DMD: variants seen among roughly 807,000 people sequenced by gnomAD.
DMD encodes mutant dystrophin.
DMD carries 63 observed loss-of-function variants against 330.1 expected under a neutral mutation model. The ratio of observed to expected loss-of-function variants is 0.19; its 90% CI spans 0.16 to 0.24. The LOEUF is 0.24. Ranked by LOEUF, DMD falls within the 10% of genes least tolerant of loss-of-function variation. The probability of loss-of-function intolerance (pLI) is 1.00; values close to 1 mark genes in which losing one functional copy is unlikely to be tolerated. For missense variants in DMD, 3,344 were observed against 2,684.1 expected (o/e 1.25, Z -5.43); for synonymous variants, 1,223 against 959.8 (o/e 1.27, Z -5.07).
At chrX:31,991,529 T>A (rs2095550489) in intron 44 of DMD, among the ~76,000 whole-genome samples, 1 of 110,489 alleles carries the variant, frequency 9.1e-6, no homozygotes, top group African/African-American at 3.3e-5. Flanking sequence ...TGCAAAGTCA[T>A]ATGGAAACTG....
chrX:32,020,611 A>G (rs1410650893), intron 44 of DMD, among the ~76,000 whole-genome samples: 1 of 112,068 alleles, frequency 8.9e-6, no homozygotes, highest in Non-Finnish European at 1.9e-5. Flanking sequence ...GAAGGCGGCT[A>G]TCTGCAAGCC....
intron 60 of DMD, among the ~76,000 whole-genome samples, chrX:31,353,209 T>C (rs1569531498): frequency 9.1e-6 from 1 of 110,382 alleles, no homozygotes; most frequent in Non-Finnish European, 1.9e-5. Context: ...AGGACGACAG[T>C]GAGATACAAT....
intron 7 of DMD, among the ~76,000 whole-genome samples, chrX:32,747,440 A>T (rs1229782746): frequency 9.0e-6 from 1 of 111,179 alleles, no homozygotes; most frequent in Non-Finnish European, 1.9e-5. Context: ...CAAGCGTGAG[A>T]GTGAGACCTA....
chrX:32,775,483 C>A (rs1259763007), intron 7 of DMD, among the ~76,000 whole-genome samples: 1 of 113,235 alleles, frequency 8.8e-6, no homozygotes, highest in African/African-American at 3.2e-5. Context: ...GGCAGAGGTT[C>A]CCAAACCTCA....
intron 9 of DMD, among the ~76,000 whole-genome samples, chrX:32,696,473 A>G (rs1156339628): frequency 8.9e-6 from 1 of 112,062 alleles, no homozygotes; most frequent in Non-Finnish European, 1.9e-5. Flanking sequence ...TTGTTGAATT[A>G]TCTGTGATTT....
At chrX:32,651,539 T>C (rs2060155739) in intron 9 of DMD, among the ~76,000 whole-genome samples, 1 of 112,104 alleles carries the variant, frequency 8.9e-6, no homozygotes, top group South Asian at 3.7e-4. Context: ...ATACCTCGTC[T>C]TCATTACGTT....
chrX:31,776,388 CAA>C (rs2090658851), intron 50 of DMD, among the ~76,000 whole-genome samples: 1 of 108,078 alleles, frequency 9.3e-6, no homozygotes, highest in South Asian at 4.0e-4. Context: ...AGAGCAGAGA[CAA>C]GAGATTTTTT....
upstream of DMD, among the ~76,000 whole-genome samples, chrX:33,214,192 G>A (rs1026247383): frequency 2.7e-5 from 3 of 109,730 alleles, no homozygotes; most frequent in Non-Finnish European, 5.7e-5. Context: ...TATTTTCGTT[G>A]TTTCCAGGGT....
At chrX:32,326,117 T>G (rs2097649409) in intron 41 of DMD, among the ~76,000 whole-genome samples, 1 of 112,085 alleles carries the variant, frequency 8.9e-6, no homozygotes, top group African/African-American at 3.2e-5. Flanking sequence ...TTTATTTCCA[T>G]GCCCTTAACT....
intron 2 of DMD, among the ~76,000 whole-genome samples, chrX:32,858,319 G>A (rs191585487): frequency 1.8e-5 from 2 of 111,750 alleles, no homozygotes; most frequent in East Asian, 5.7e-4. Context: ...TTGTTTCAAC[G>A]TAAAACTATT....
chrX:31,704,041 T>G (rs1354289123), intron 52 of DMD, among the ~76,000 whole-genome samples: 1 of 112,110 alleles, frequency 8.9e-6, no homozygotes, highest in East Asian at 2.8e-4. Context: ...AATGTTATAG[T>G]AAATGATTTG....
intron 51 of DMD, among the ~76,000 whole-genome samples, chrX:31,731,934 C>A (rs997970470): frequency 2.7e-5 from 3 of 111,594 alleles, no homozygotes; most frequent in African/African-American, 9.7e-5. Flanking sequence ...AACCTGACCA[C>A]AATGAACAGC....
At chrX:31,236,756 ACTCTTT>A (rs2047764141) in intron 63 of DMD, among the ~76,000 whole-genome samples, 2 of 111,780 alleles carry the variant, frequency 1.8e-5, no homozygotes, top group Non-Finnish European at 3.8e-5. Flanking sequence ...TTTTTCATTA[ACTCTTT>A]AGAGTTAATG....
chrX:32,408,318 T>C (rs2147891299), intron 30 of DMD, among the ~76,000 whole-genome samples: 1 of 111,220 alleles, frequency 9.0e-6, no homozygotes, highest in Non-Finnish European at 1.9e-5. Flanking sequence ...CCCAGAGAAA[T>C]AACTGATCAA....
intron 51 of DMD, among the ~76,000 whole-genome samples, chrX:31,749,347 T>C (rs1348886095): frequency 1.1e-5 from 1 of 89,287 alleles, no homozygotes; most frequent in African/African-American, 4.2e-5. Flanking sequence ...CCTGTGTCCA[T>C]GTGTTCTCAT....
intron 61 of DMD, among the ~76,000 whole-genome samples, chrX:31,327,083 G>A (rs768894555): frequency 8.9e-6 from 1 of 112,146 alleles, no homozygotes; most frequent in Admixed American, 9.4e-5. Flanking sequence ...ATACAGATGT[G>A]CTTATAACCA....
At chrX:32,853,215 A>G (rs778130071) in intron 2 of DMD, among the ~76,000 whole-genome samples, 1 of 112,219 alleles carries the variant, frequency 8.9e-6, no homozygotes, top group East Asian at 2.8e-4. Flanking sequence ...TGCTAAAGAG[A>G]ATTTATCAAC....
At chrX:31,929,523 C>T in intron 47 of DMD, 73 bp downstream of exon 47, 1 of 1,154,627 alleles carries the variant, frequency 8.7e-7, no homozygotes, top group South Asian at 1.8e-5. Context: ...CAATGAAGCA[C>T]CCAGGAAACA....
chrX:31,484,889 G>C (rs1238672076), intron 57 of DMD, among the ~76,000 whole-genome samples: 3 of 112,112 alleles, frequency 2.7e-5, no homozygotes, highest in African/African-American at 9.7e-5. Context: ...CAATAGTTTG[G>C]TTGAGTAGGT....
Sources: gnomAD v4.1 joint callset for allele counts (sites outside exome capture counted in the v4.1 genomes callset) on GRCh38, gnomAD v4.1.1 for gene constraint, MANE v1.5 for transcripts, NCBI Gene and HGNC (gene_info 2026-07-23, HGNC 2026-07-21) for gene names.